The following STRIP2 variants were observed in gnomAD, a reference collection of about 807,000 sequenced individuals.
The protein encoded by STRIP2 is striatin interacting protein 2.
A neutral mutation model predicts 107.1 loss-of-function variants in STRIP2; 84 were observed. The observed-to-expected ratio is 0.78, with a 90% CI of 0.66 to 0.94. The LOEUF is 0.94. Among genes scored for constraint, STRIP2 ranks in the 40% least tolerant of loss-of-function variants. STRIP2 has a pLI of 0.00. For synonymous variants in STRIP2, 394 were observed against 400.4 expected, an observed-to-expected ratio of 0.98 and a Z score of 0.19; for missense variants, 888 against 1,034.2, an observed-to-expected ratio of 0.86 and a Z score of 1.94.
chr7:129,476,410 A>G lies in STRIP2; in HGVS notation c.1945-4375A>G, dbSNP rs1486412154. On this transcript the variant is annotated intron_variant, in intron 18 of 20. Transcript: ENST00000249344. ...CGGCTGCCGGGCGGAGGGGCTCCTC[A>G]CTTCTCAGACGGGGCGGCTGCCGGG... is the stretch of plus-strand genomic sequence containing the variant. Among the ~76,000 whole-genome samples, 64 of 134,574 alleles carry G rather than the reference A, an allele frequency of 4.8e-4. 1 individual carries two copies. The highest frequency in any genetic ancestry group is 5.2e-3 in the Middle Eastern group (1 of 194). 88.3% of individuals were successfully genotyped at this position (134,574 alleles called of 152,430 possible). A position where few individuals can be genotyped will look rare whatever the true frequency, so the allele number is the denominator to read the frequency against.
At chr7:129,451,920 G>A (rs1218415119) in intron 4 of STRIP2, among the ~76,000 whole-genome samples, 173 bp downstream of exon 4, 1 of 152,212 alleles carries the variant, frequency 6.6e-6, no homozygotes, top group Non-Finnish European at 1.5e-5. Context: ...ATGAGATAGT[G>A]TTGAGTGCTG....
At chr7:129,445,285 A>T (rs188176096) in intron 3 of STRIP2, among the ~76,000 whole-genome samples, 1 of 152,158 alleles carries the variant, frequency 6.6e-6, no homozygotes, top group African/African-American at 2.4e-5. Flanking sequence ...TGGGTCAGTC[A>T]CCCCAGCCAA....
At chr7:129,438,812 GA>G (rs766117844) in intron 1 of STRIP2, among the ~76,000 whole-genome samples, 16 of 152,264 alleles carry the variant, frequency 1.1e-4, no homozygotes, top group Non-Finnish European at 2.2e-4. Flanking sequence ...CAGGATTCAG[GA>G]AAGCATGTAC....
chr7:129,446,130 C>G (rs950694297), intron 3 of STRIP2, among the ~76,000 whole-genome samples: 1 of 152,140 alleles, frequency 6.6e-6, no homozygotes, highest in Non-Finnish European at 1.5e-5. Context: ...GCGTAACTTC[C>G]GTCCCTGCCA....
At chr7:129,476,884 C>T (rs1798969855) in intron 18 of STRIP2, among the ~76,000 whole-genome samples, 1 of 151,936 alleles carries the variant, frequency 6.6e-6, no homozygotes, top group Non-Finnish European at 1.5e-5. Context: ...GCCTGGGCAA[C>T]ATTGAGCACT....
At chr7:129,485,484 C>T in intron 20 of STRIP2, 95 bp from the exon 21 acceptor site, 1 of 1,306,880 alleles carries the variant, frequency 7.7e-7, no homozygotes, top group Non-Finnish European at 1.0e-6. Flanking sequence ...AATTTCTGAG[C>T]AGTTCCATTT....
At chr7:129,473,681 T>C (rs549143764) in intron 18 of STRIP2, among the ~76,000 whole-genome samples, 25 of 152,148 alleles carry the variant, frequency 1.6e-4, no homozygotes, top group African/African-American at 5.5e-4. Context: ...AGGACATAAT[T>C]TTAATTTCTT....
intron 16 of STRIP2, 91 bp downstream of exon 16, chr7:129,464,829 A>G: frequency 6.6e-7 from 1 of 1,520,432 alleles, no homozygotes; most frequent in East Asian, 2.3e-5. Flanking sequence ...TTTAATCCTG[A>G]TGAGCATCTT....
chr7:129,466,936 G>A (rs1798684085), intron 16 of STRIP2, among the ~76,000 whole-genome samples: 1 of 152,234 alleles, frequency 6.6e-6, no homozygotes. Context: ...CTGACTGAGT[G>A]ATGCCAGCAG....
chr7:129,444,485 G>A (rs1287612298), intron 3 of STRIP2, among the ~76,000 whole-genome samples: 2 of 152,140 alleles, frequency 1.3e-5, no homozygotes, highest in Admixed American at 6.5e-5. Flanking sequence ...TTTGCTGGCA[G>A]CTAATTAGAT....
At chr7:129,476,627 C>A (rs1445695935) in intron 18 of STRIP2, among the ~76,000 whole-genome samples, 1 of 151,576 alleles carries the variant, frequency 6.6e-6, no homozygotes, top group East Asian at 2.0e-4. Context: ...GGCGGCCGGG[C>A]AGAGACGCTC....
At chr7:129,438,041 G>A (rs919313967) in intron 1 of STRIP2, among the ~76,000 whole-genome samples, 1 of 152,094 alleles carries the variant, frequency 6.6e-6, no homozygotes, top group Non-Finnish European at 1.5e-5. Context: ...TCCTGACCTC[G>A]TAATCCGCCC....
chr7:129,439,998 AC>A, intron 1 of STRIP2, 23 bp from the exon 2 acceptor site: 1 of 1,607,478 alleles, frequency 6.2e-7, no homozygotes, highest in Non-Finnish European at 8.5e-7. Context: ...TATCCCAGTT[AC>A]CAACAAAATT....
rs115654624 is a variant in STRIP2 at position 129,442,305 on chromosome 7, C to A, written c.200-1719C>A. The stretch of plus-strand genomic sequence containing the variant: ...ACAAAGGAATTTATACAATAGGATA[C>A]TGCTTGGATAAAAAAGTTTTTAAAC... On this transcript the variant is annotated intron_variant, in intron 2 of 20. Coordinates refer to ENST00000249344, the MANE Select transcript of STRIP2 (RefSeq NM_020704.3). 2.9e-3 allele frequency among the ~76,000 whole-genome samples: 435 copies of A among 152,250 alleles called. 5 individuals are homozygous for A. The highest frequency in any genetic ancestry group is 9.9e-3 in the African/African-American group (411 of 41,548).
At position 129,481,433 on chromosome 7, in the gene STRIP2, G is replaced by GT. The variant is rs200625845; in HGVS notation, c.2049+547dup. ...AATCATTTGAACCTGGGAGGCAGAG[G>GT]TTTCAGTGAGCCGAGATCATGCCAC... On this transcript the variant is annotated intron_variant, in intron 19 of 20. Coordinates refer to ENST00000249344, the MANE Select transcript of STRIP2 (RefSeq NM_020704.3). 4.8e-3 allele frequency among the ~76,000 whole-genome samples: 729 copies of GT among 152,106 alleles called. 6 individuals are homozygous for GT. The highest frequency in any genetic ancestry group is 0.017 in the African/African-American group (702 of 41,474).
chr7:129,451,848 T>A (rs896929989), intron 4 of STRIP2, 101 bp downstream of exon 4: 2 of 1,429,676 alleles, frequency 1.4e-6, no homozygotes, highest in African/African-American at 1.4e-5. Flanking sequence ...GAAAGCAAGG[T>A]TTCTTGCCTC....
At chr7:129,448,049 C>T (rs1430945606) in intron 3 of STRIP2, among the ~76,000 whole-genome samples, 2 of 152,144 alleles carry the variant, frequency 1.3e-5, no homozygotes, top group East Asian at 3.8e-4. Context: ...CCTTTCCCAC[C>T]ATAGTAACGC....
rs139218800 is a variant in STRIP2, at chr7:129,462,085, G to A, written c.1477-881G>A. Among the ~76,000 whole-genome samples the A allele has an allele frequency of 5.7e-3, 870 of 152,256 alleles. 7 individuals are homozygous for A. The highest frequency in any genetic ancestry group is 0.02 in the African/African-American group (823 of 41,544). ...ATTGCTTCTGTTTTCTCCATGAAGC[G>A]TGAGGCAGGGTCAGCAACTGTTTAG... On this transcript the variant is annotated intron_variant, in intron 13 of 20. Transcript: ENST00000249344.
At chr7:129,453,740 A>G (rs1798262469) in intron 5 of STRIP2, among the ~76,000 whole-genome samples, 1 of 152,224 alleles carries the variant, frequency 6.6e-6, no homozygotes, top group Non-Finnish European at 1.5e-5. Context: ...TCTTTCCCTC[A>G]TGGGCTATAG....
Sources: allele counts gnomAD v4.1 joint callset (sites outside exome capture counted in the v4.1 genomes callset), GRCh38; gene constraint gnomAD v4.1.1; transcripts MANE v1.5; gene names NCBI Gene and HGNC (gene_info 2026-07-23, HGNC 2026-07-21).